Variants in PCDHGA2 observed in about 807,000 individuals in gnomAD.
The protein encoded by PCDHGA2 is protocadherin gamma-A2.
Under a neutral mutation model 59.2 loss-of-function variants are expected in PCDHGA2, and 40 were observed. The ratio of observed to expected loss-of-function variants is 0.68; its 90% CI spans 0.52 to 0.88. The LOEUF (loss-of-function observed/expected upper bound fraction) is 0.88, where lower values mean the gene tolerates loss of function less well. Among genes scored for constraint, PCDHGA2 ranks in the 40% least tolerant of loss-of-function variants. The pLI is 0.00. For synonymous variants in PCDHGA2, 560 were observed against 526.0 expected (o/e 1.06, Z -0.89); for missense variants, 1,226 against 1,204.0 (o/e 1.02, Z -0.27).
At chr5:141,417,941 A>T (rs1319967892) in intron 1 of PCDHGA2, 1 of 1,612,890 alleles carries the variant, frequency 6.2e-7, no homozygotes, top group South Asian at 1.1e-5. Context: ...GTTCTACCCC[A>T]CGCTGTGTGA....
At chr5:141,507,450 CAG>C (rs940460926) in intron 3 of PCDHGA2, among the ~76,000 whole-genome samples, 3 of 152,168 alleles carry the variant, frequency 2.0e-5, no homozygotes, top group African/African-American at 7.2e-5. Flanking sequence ...GACGGAAGGA[CAG>C]AGAGAGAGGT....
In PCDHGA2 at chr5:141,485,576, C is replaced by T. The variant is rs1347032247; in HGVS notation, c.2425-9231C>T. ...GAATGATCACGCCCCCCGTTTTCCG[C>T]GGCAGCAGCTGGACTTGGAAATTGG... On this transcript the variant is annotated intron_variant, in intron 1 of 3. Transcript: ENST00000394576. The surrounding 1 kb of genome is among the most constrained non-coding windows in gnomAD (Gnocchi z 5.7). 21 of 1,612,296 alleles carry T rather than the reference C, an allele frequency of 1.3e-5. 1 individual carries two copies. Among genetic ancestry groups the T allele is most frequent in the Non-Finnish European group, 1.8e-5 (21 of 1,178,636 alleles).
At chr5:141,415,312 A>G (rs1245475147) in intron 1 of PCDHGA2, 1 of 1,614,222 alleles carries the variant, frequency 6.2e-7, no homozygotes, top group Non-Finnish European at 8.5e-7. Context: ...GGCCTTCGTC[A>G]TCGTGCTGCT....
intron 1 of PCDHGA2, chr5:141,427,774 G>C: frequency 7.0e-7 from 1 of 1,420,908 alleles, no homozygotes; most frequent in Non-Finnish European, 9.8e-7. Context: ...TTGGAGCTGC[G>C]GGCACTGTCG....
chr5:141,408,302 C>T (rs1017556555), intron 1 of PCDHGA2: 1 of 1,613,780 alleles, frequency 6.2e-7, no homozygotes, highest in Non-Finnish European at 8.5e-7. Context: ...TGAGCCGATC[C>T]GCTACTCGAT....
In PCDHGA2 at chr5:141,432,976, C is replaced by T; in HGVS notation, c.2425-61831C>T. 1 of 1,614,210 alleles carries T rather than the reference C, an allele frequency of 6.2e-7. No individual in the cohort carries two copies. On this transcript the variant is annotated intron_variant, in intron 1 of 3. Transcript: ENST00000394576. The surrounding 1 kb of genome is among the most constrained non-coding windows in gnomAD (Gnocchi z 6.0). Reference sequence around the variant, plus strand: ...GCTTGACAGGAGCGCCGGCGTCGCACTTTGTGGGCGTGGACGGGGTGCAGG... The same window carrying T: ...GCTTGACAGGAGCGCCGGCGTCGCATTTTGTGGGCGTGGACGGGGTGCAGG...
At chr5:141,441,871 G>A (rs1020432020) in intron 1 of PCDHGA2, 3 of 340,480 alleles carry the variant, frequency 8.8e-6, no homozygotes, top group Admixed American at 8.1e-5. Context: ...CGCGGAGCCT[G>A]GCTACCTGGT....
chr5:141,451,579 A>G (rs1222576609), intron 1 of PCDHGA2, among the ~76,000 whole-genome samples: 1 of 152,084 alleles, frequency 6.6e-6, no homozygotes, highest in Non-Finnish European at 1.5e-5. Flanking sequence ...TTATAAACCT[A>G]ATTTTGAAAG....
At chr5:141,423,838 T>G in intron 1 of PCDHGA2, 1 of 1,279,552 alleles carries the variant, frequency 7.8e-7, no homozygotes, top group South Asian at 3.5e-5. Context: ...GAGATTACGA[T>G]AATCTTTCAG....
At position 141,380,161 on chromosome 5, in the gene PCDHGA2, A is replaced by G. The variant is rs552815003; in HGVS notation, c.2424+38766A>G. Among the ~76,000 whole-genome samples, 14 of 152,240 alleles carry G rather than the reference A, an allele frequency of 9.2e-5. No individual in the cohort carries two copies. In the South Asian group the frequency reaches 1.5e-3, roughly 16 times the overall value. On this transcript the variant is annotated intron_variant, in intron 1 of 3. Transcript: ENST00000394576. The stretch of plus-strand genomic sequence containing the variant: ...GTGATCCACCCGCCTCAGCCTCTCA[A>G]AGGGCTGGGATTACAGGCATGAGCC...
intron 1 of PCDHGA2, chr5:141,404,392 T>C (rs759142051): frequency 3.1e-6 from 5 of 1,613,820 alleles, no homozygotes; most frequent in African/African-American, 1.3e-5. Flanking sequence ...ATGACCCTGA[T>C]AGCAATGAGA....
chr5:141,500,520 T>A (rs2099801106), intron 2 of PCDHGA2, among the ~76,000 whole-genome samples: 1 of 152,194 alleles, frequency 6.6e-6, no homozygotes, highest in South Asian at 2.1e-4. Context: ...AGCTTCATTT[T>A]AAAAAAATCT....
intron 1 of PCDHGA2, chr5:141,374,378 A>C: frequency 6.2e-7 from 1 of 1,614,038 alleles, no homozygotes; most frequent in Non-Finnish European, 8.5e-7. Context: ...CTGTGCTCAG[A>C]GCCCGCGGTG....
chr5:141,483,903 G>C (rs1167942546), intron 1 of PCDHGA2, among the ~76,000 whole-genome samples: 1 of 151,282 alleles, frequency 6.6e-6, no homozygotes, highest in Admixed American at 6.6e-5. Context: ...GCTCTGGTGT[G>C]TTTCCCACTC....
At chr5:141,342,646 T>C (rs1443743240) in intron 1 of PCDHGA2, 1 of 152,230 alleles carries the variant, frequency 6.6e-6, no homozygotes, top group Non-Finnish European at 1.5e-5. Flanking sequence ...ATAGCTTTAC[T>C]TGTAAGTGAA....
chr5:141,407,947 G>C (rs910743144), intron 1 of PCDHGA2: 7 of 561,352 alleles, frequency 1.2e-5, no homozygotes, highest in South Asian at 3.4e-5. Context: ...CGCCGCTGTC[G>C]GCCAGTGCAG....
chr5:141,432,088 AGACACCAAC>A lies in PCDHGA2; in HGVS notation c.2425-62714_2425-62706del, dbSNP rs1561857611. 6.2e-7 allele frequency: 1 copy of A among 1,614,148 alleles called. No individual in the cohort carries two copies. Among genetic ancestry groups the A allele is most frequent in the Admixed American group, 1.7e-5 (1 of 60,024 alleles). ...AAACTCATATCTCGCTGAACGTGGC[AGACACCAAC>A]GACAACCCGCCGGTCTTCCCTCAGG... is the stretch of plus-strand genomic sequence containing the variant. On this transcript the variant is annotated intron_variant, in intron 1 of 3. Transcript: ENST00000394576. This position sits in a 1 kb window ranked among gnomAD's most constrained non-coding sequence, Gnocchi z 6.0.
chr5:141,364,628 C>T (rs1484570270), intron 1 of PCDHGA2: 17 of 1,613,958 alleles, frequency 1.1e-5, no homozygotes, highest in Non-Finnish European at 1.1e-5. Flanking sequence ...CGCTCAGAGC[C>T]CACTGTGTGT....
intron 1 of PCDHGA2, chr5:141,400,533 C>A (rs1416453682): frequency 6.2e-7 from 1 of 1,613,900 alleles, no homozygotes; most frequent in Non-Finnish European, 8.5e-7. Context: ...TGGTGAGTTT[C>A]ATTTATGTCT....
Sources: gnomAD v4.1 joint callset for allele counts (sites outside exome capture counted in the v4.1 genomes callset) on GRCh38, gnomAD v4.1.1 for gene constraint, Gnocchi (gnomAD v3.1) non-coding constraint, MANE v1.5 for transcripts, NCBI Gene and HGNC (gene_info 2026-07-23, HGNC 2026-07-21) for gene names.